Variants in ANKRD6 observed in about 807,000 individuals in gnomAD.
The protein encoded by ANKRD6 is ankyrin repeat domain 6, also known as ankyrin repeat domain-containing protein 6.
ANKRD6 carries 56 observed loss-of-function variants against 82.3 expected under a neutral mutation model. The ratio of observed to expected loss-of-function variants is 0.68; its 90% CI spans 0.55 to 0.85. The LOEUF is 0.85. ANKRD6 is among the 40% of genes least tolerant of loss of function. ANKRD6 has a pLI of 0.00. For synonymous variants in ANKRD6, 347 were observed against 352.1 expected (o/e 0.99, Z 0.16); for missense variants, 852 against 907.6 (o/e 0.94, Z 0.79).
At chr6:89,588,848 A>G (rs1794300366) in intron 2 of ANKRD6, among the ~76,000 whole-genome samples, 1 of 152,048 alleles carries the variant, frequency 6.6e-6, no homozygotes, top group Admixed American at 6.6e-5. Context: ...TCTACTAAAA[A>G]TATAAAATTA....
At chr6:89,502,450 A>G (rs1779370076) in intron 1 of ANKRD6, among the ~76,000 whole-genome samples, 1 of 152,166 alleles carries the variant, frequency 6.6e-6, no homozygotes, top group Non-Finnish European at 1.5e-5. Flanking sequence ...GTTCGAGACC[A>G]GCCTGGGCAA....
intron 1 of ANKRD6, among the ~76,000 whole-genome samples, chr6:89,557,360 C>G (rs1786742908): frequency 6.6e-6 from 1 of 151,972 alleles, no homozygotes; most frequent in South Asian, 2.1e-4. Context: ...CCTCAAGGAC[C>G]TGCAACATTT....
rs1222649976 is a variant in ANKRD6 at position 89,624,076 on chromosome 6, C to T, written c.1218+19C>T. ...GATGCAGGTACCTGCAAAGCAGTGT[C>T]AGGAGAAGGGAACATAGGCCTTCAG... On this transcript the variant is annotated intron_variant, in intron 12 of 15. Transcript: ENST00000339746. The T allele has an allele frequency of 3.8e-6, 6 of 1,596,602 alleles. No individual in the cohort carries two copies. The highest frequency in any genetic ancestry group is 5.1e-6 in the Non-Finnish European group (6 of 1,171,376).
intron 2 of ANKRD6, among the ~76,000 whole-genome samples, chr6:89,594,104 A>C (rs1368767080): frequency 2.8e-4 from 43 of 152,224 alleles, no homozygotes; most frequent in Admixed American, 2.8e-3. Flanking sequence ...TAACATGAAA[A>C]ACAAATCTCA....
chr6:89,533,727 AGTGTGT>A (rs59064465), intron 1 of ANKRD6, among the ~76,000 whole-genome samples: 30,020 of 141,956 alleles, frequency 0.21, 3,206 homozygotes, highest in South Asian at 0.24. Flanking sequence ...AGAGAAAATG[AGTGTGT>A]GTGTGTGTGT....
chr6:89,500,901 G>A (rs1779185748), intron 1 of ANKRD6, among the ~76,000 whole-genome samples: 1 of 151,308 alleles, frequency 6.6e-6, no homozygotes, highest in Non-Finnish European at 1.5e-5. Context: ...GCAATGGGTT[G>A]TGAGCTGAGT....
intron 1 of ANKRD6, among the ~76,000 whole-genome samples, chr6:89,519,503 T>C (rs1393186273): frequency 6.6e-6 from 1 of 152,178 alleles, no homozygotes; most frequent in Non-Finnish European, 1.5e-5. Flanking sequence ...ACAGTTGCAA[T>C]AACGAACACT....
rs552402458 is a variant in ANKRD6, at chr6:89,510,411, G to A, written c.-143-56423G>A. On this transcript the variant is annotated intron_variant, in intron 1 of 15. Coordinates refer to ENST00000339746, the MANE Select transcript of ANKRD6 (RefSeq NM_001242809.2). ...TTTTTTTTTTTAGCCTCATTGGGAAGCATTCATGTTATTCTTTATATACAG... is the reference window on the plus strand; with the variant it reads ...TTTTTTTTTTTAGCCTCATTGGGAAACATTCATGTTATTCTTTATATACAG... Among the ~76,000 whole-genome samples, 55 of 151,668 alleles carry A rather than the reference G, an allele frequency of 3.6e-4. No individual in the cohort carries two copies. The South Asian group carries it at 0.011, about 31-fold the overall frequency.
chr6:89,450,193 C>T (rs1007253586), intron 1 of ANKRD6, among the ~76,000 whole-genome samples: 4 of 151,828 alleles, frequency 2.6e-5, no homozygotes, highest in Non-Finnish European at 4.4e-5. Flanking sequence ...AAAAATTAGC[C>T]GGGTGTGGTG....
chr6:89,503,522 G>A (rs916936398), intron 1 of ANKRD6, among the ~76,000 whole-genome samples: 8 of 152,202 alleles, frequency 5.3e-5, no homozygotes, highest in South Asian at 4.2e-4. Context: ...GTGTGTAGAC[G>A]TGGGCAAGTT....
At chr6:89,501,337 C>T (rs574888827) in intron 1 of ANKRD6, among the ~76,000 whole-genome samples, 1 of 152,340 alleles carries the variant, frequency 6.6e-6, no homozygotes, top group East Asian at 1.9e-4. Context: ...TGTCTCCCTT[C>T]CTCAAGTTGA....
At chr6:89,572,513 C>T (rs780515929) in intron 2 of ANKRD6, among the ~76,000 whole-genome samples, 1 of 152,194 alleles carries the variant, frequency 6.6e-6, no homozygotes, top group Non-Finnish European at 1.5e-5. Flanking sequence ...TTCTTTGATG[C>T]ACAAACATTT....
chr6:89,473,611 A>G lies in ANKRD6; in HGVS notation c.-144+40236A>G, dbSNP rs540539067. 7.9e-5 allele frequency among the ~76,000 whole-genome samples: 12 copies of G among 152,282 alleles called. No individual in the cohort carries two copies. In the South Asian group the frequency reaches 2.3e-3, roughly 29 times the overall value. ...TGTAAAGTAATGTCTTATGTTACCA[A>G]TTTGGATGATTTTTCTAAACATTGT... On this transcript the variant is annotated intron_variant, in intron 1 of 15. Coordinates refer to ENST00000339746, the MANE Select transcript of ANKRD6 (RefSeq NM_001242809.2).
At chr6:89,613,447 G>A (rs1454598592) in intron 6 of ANKRD6, among the ~76,000 whole-genome samples, 3 of 152,156 alleles carry the variant, frequency 2.0e-5, no homozygotes, top group Non-Finnish European at 4.4e-5. Context: ...CTTTTGGGTT[G>A]TAGGGAGGCT....
intron 2 of ANKRD6, among the ~76,000 whole-genome samples, chr6:89,572,107 C>T (rs1347598878): frequency 1.3e-5 from 2 of 152,118 alleles, no homozygotes; most frequent in Non-Finnish European, 2.9e-5. Context: ...CTTGATAGTT[C>T]ATTTCCTTTT....
chr6:89,498,318 T>C (rs999507878), intron 1 of ANKRD6, among the ~76,000 whole-genome samples: 1 of 152,188 alleles, frequency 6.6e-6, no homozygotes, highest in Non-Finnish European at 1.5e-5. Flanking sequence ...TTTGAGAACA[T>C]GTGGCTACCT....
At chr6:89,527,601 CAAAAAAAA>C (rs35855223) in intron 1 of ANKRD6, among the ~76,000 whole-genome samples, 2 of 45,684 alleles carry the variant, frequency 4.4e-5, no homozygotes, top group Admixed American at 6.5e-4. Context: ...GACTCCGTCT[CAAAAAAAA>C]AAAAAAAAAA....
intron 2 of ANKRD6, among the ~76,000 whole-genome samples, chr6:89,595,030 G>A (rs531160011): frequency 1.4e-4 from 22 of 152,196 alleles, no homozygotes; most frequent in Non-Finnish European, 2.9e-4. Flanking sequence ...GAGATTACAA[G>A]TGTGAGCTAC....
chr6:89,540,643 G>A (rs1562761771), intron 1 of ANKRD6, among the ~76,000 whole-genome samples: 1 of 152,084 alleles, frequency 6.6e-6, no homozygotes. Context: ...TGACCCATTT[G>A]TCCATTTCTT....
Sources: allele counts gnomAD v4.1 joint callset (sites outside exome capture counted in the v4.1 genomes callset), GRCh38; gene constraint gnomAD v4.1.1; transcripts MANE v1.5; gene names NCBI Gene and HGNC (gene_info 2026-07-23, HGNC 2026-07-21).